Variants in ZDHHC14 observed in about 807,000 individuals in gnomAD.
ZDHHC14 encodes the protein zDHHC palmitoyltransferase 14, also known as palmitoyltransferase ZDHHC14.
ZDHHC14 carries 16 observed loss-of-function variants against 47.7 expected under a neutral mutation model. That is an observed-to-expected ratio of 0.34 (90% CI 0.23 to 0.51). The LOEUF is 0.51. Ranked by LOEUF, ZDHHC14 falls within the 20% of genes least tolerant of loss-of-function variation. The pLI, the probability that ZDHHC14 is intolerant of heterozygous loss-of-function variation, is 0.97. For missense variants in ZDHHC14, 515 were observed against 662.5 expected (o/e 0.78, Z 2.44); for synonymous variants, 293 against 278.9 (o/e 1.05, Z -0.50).
intron 5 of ZDHHC14, among the ~76,000 whole-genome samples, chr6:157,640,625 A>G (rs1340885035): frequency 6.6e-6 from 1 of 152,198 alleles, no homozygotes; most frequent in Non-Finnish European, 1.5e-5. Context: ...CCAGAGCTGG[A>G]GCCCAGTTCT....
intron 1 of ZDHHC14, among the ~76,000 whole-genome samples, chr6:157,437,415 G>A (rs370571564): frequency 1.8e-4 from 27 of 152,304 alleles, no homozygotes; most frequent in East Asian, 7.7e-4. Flanking sequence ...CGAGTGTCCC[G>A]GGCAGGCTGT....
intron 1 of ZDHHC14, among the ~76,000 whole-genome samples, chr6:157,442,430 AG>A (rs1778579245): frequency 6.6e-6 from 1 of 152,332 alleles, no homozygotes; most frequent in African/African-American, 2.4e-5. Context: ...ACATTCATGA[AG>A]TAGGAACTAT....
intron 5 of ZDHHC14, among the ~76,000 whole-genome samples, chr6:157,642,712 C>G (rs1777313734): frequency 6.6e-6 from 1 of 152,164 alleles, no homozygotes; most frequent in Non-Finnish European, 1.5e-5. Flanking sequence ...TCTCCTTTCT[C>G]TTTCTAAAAA....
chr6:157,481,836 ACCTACCTAC>A (rs763387517), intron 1 of ZDHHC14, among the ~76,000 whole-genome samples: 4 of 152,098 alleles, frequency 2.6e-5, no homozygotes, highest in Non-Finnish European at 5.9e-5. Flanking sequence ...CTATCTGTCT[ACCTACCTAC>A]CTACCTACAT....
chr6:157,437,010 C>A (rs1024449237), intron 1 of ZDHHC14, among the ~76,000 whole-genome samples: 1 of 152,142 alleles, frequency 6.6e-6, no homozygotes, highest in Non-Finnish European at 1.5e-5. Context: ...TGAGACTTAG[C>A]AGCCACTGAA....
chr6:157,595,701 A>C lies in ZDHHC14; in HGVS notation c.565+2555A>C, dbSNP rs537202861. On this transcript the variant is annotated intron_variant, in intron 3 of 8. Transcript: ENST00000359775. The stretch of plus-strand genomic sequence containing the variant: ...CCTTATCACAGCTGTGCCTTTCCCC[A>C]GTGACGGTGTACTTCTGCATGTGTG... Among the ~76,000 whole-genome samples, 8 of 152,278 alleles carry C rather than the reference A, an allele frequency of 5.3e-5. No individual in the cohort carries two copies. The South Asian group carries it at 1.0e-3, about 20-fold the overall frequency.
intron 1 of ZDHHC14, among the ~76,000 whole-genome samples, chr6:157,520,975 C>A (rs553633413): frequency 6.6e-6 from 1 of 152,104 alleles, no homozygotes; most frequent in Admixed American, 6.5e-5. Context: ...TAAAACGAAG[C>A]TTTTAAAAAC....
chr6:157,642,728 G>A (rs9456591), intron 5 of ZDHHC14, among the ~76,000 whole-genome samples: 5,911 of 152,272 alleles, frequency 0.039, 399 homozygotes, highest in African/African-American at 0.14. Context: ...AAAAAAAGAC[G>A]GTAAATGGGT....
At chr6:157,616,268 C>T in intron 3 of ZDHHC14, among the ~76,000 whole-genome samples, 1 of 152,146 alleles carries the variant, frequency 6.6e-6, no homozygotes, top group East Asian at 1.9e-4. Context: ...ATGACCACCT[C>T]CTGCTGACCA....
At chr6:157,664,028 CA>C (rs143312004) in intron 8 of ZDHHC14, among the ~76,000 whole-genome samples, 261 of 152,376 alleles carry the variant, frequency 1.7e-3, no homozygotes, top group Non-Finnish European at 3.0e-3. Context: ...GAAACATCTA[CA>C]GGGGTGACTG....
chr6:157,614,362 A>AT lies in ZDHHC14; in HGVS notation c.566-13972dup, dbSNP rs11288647. Among the ~76,000 whole-genome samples, 1,414 of 145,204 alleles carry AT rather than the reference A, an allele frequency of 9.7e-3. 26 individuals carry two copies. The highest frequency in any genetic ancestry group is 0.026 in the African/African-American group (1,015 of 39,260). ...CTTTACCACATTTACTAGCTGACTGATTTTTTTTTTTTTTTGGTTGATGTA... is the reference window on the plus strand; with the variant it reads ...CTTTACCACATTTACTAGCTGACTGATTTTTTTTTTTTTTTTGGTTGATGTA... On this transcript the variant is annotated intron_variant, in intron 3 of 8. Coordinates refer to ENST00000359775, the MANE Select transcript of ZDHHC14 (RefSeq NM_024630.3).
At chr6:157,476,563 A>G (rs1345396389) in intron 1 of ZDHHC14, among the ~76,000 whole-genome samples, 1 of 152,250 alleles carries the variant, frequency 6.6e-6, no homozygotes, top group Non-Finnish European at 1.5e-5. Context: ...TTATGAGGCC[A>G]GCATGTCCTG....
chr6:157,657,372 A>C (rs16900306), intron 8 of ZDHHC14, among the ~76,000 whole-genome samples: 16,308 of 152,194 alleles, frequency 0.11, 1,094 homozygotes, highest in Admixed American at 0.2. Flanking sequence ...TCAGGCATGC[A>C]CAGATCTTTC....
At chr6:157,614,991 A>G (rs1187771420) in intron 3 of ZDHHC14, among the ~76,000 whole-genome samples, 1 of 150,514 alleles carries the variant, frequency 6.6e-6, no homozygotes, top group Non-Finnish European at 1.5e-5. Context: ...CTCGTCTCAA[A>G]CTCCTGACCT....
At chr6:157,475,193 T>C (rs961592984) in intron 1 of ZDHHC14, among the ~76,000 whole-genome samples, 1 of 152,166 alleles carries the variant, frequency 6.6e-6, no homozygotes, top group Non-Finnish European at 1.5e-5. Flanking sequence ...ATTGAAAATG[T>C]GTGTGTTTGT....
intron 3 of ZDHHC14, among the ~76,000 whole-genome samples, chr6:157,597,706 C>A (rs1253788771): frequency 6.6e-6 from 1 of 152,226 alleles, no homozygotes; most frequent in Non-Finnish European, 1.5e-5. Flanking sequence ...ACCTGAGATG[C>A]CACATCTGGA....
chr6:157,486,255 A>G (rs1779776245), intron 1 of ZDHHC14, among the ~76,000 whole-genome samples: 1 of 152,108 alleles, frequency 6.6e-6, no homozygotes, highest in Non-Finnish European at 1.5e-5. Context: ...TCGCGTCACT[A>G]CACCGGTACC....
chr6:157,420,237 T>C (rs1231505991), intron 1 of ZDHHC14, among the ~76,000 whole-genome samples: 3 of 142,646 alleles, frequency 2.1e-5, no homozygotes, highest in Non-Finnish European at 3.0e-5. Flanking sequence ...AGGGGTGGGC[T>C]GAATCGAGGC....
At chr6:157,525,374 C>T (rs1212236074) in intron 1 of ZDHHC14, among the ~76,000 whole-genome samples, 1 of 151,958 alleles carries the variant, frequency 6.6e-6, no homozygotes, top group Non-Finnish European at 1.5e-5. Flanking sequence ...CCATGTTGCC[C>T]AGGCTGGTCT....
Sources: gnomAD v4.1 joint callset for allele counts (sites outside exome capture counted in the v4.1 genomes callset) on GRCh38, gnomAD v4.1.1 for gene constraint, MANE v1.5 for transcripts, NCBI Gene and HGNC (gene_info 2026-07-23, HGNC 2026-07-21) for gene names.